CYTH3: variants seen among roughly 807,000 people sequenced by gnomAD.
The protein encoded by CYTH3 is cytohesin 3.
A neutral mutation model predicts 55.1 loss-of-function variants in CYTH3; 23 were observed. That is an observed-to-expected ratio of 0.42 (90% CI 0.30 to 0.59). The LOEUF (loss-of-function observed/expected upper bound fraction) is 0.59, where lower values mean the gene tolerates loss of function less well. Among genes scored for constraint, CYTH3 ranks in the 20% least tolerant of loss-of-function variants. The pLI, the probability that CYTH3 is intolerant of heterozygous loss-of-function variation, is 0.20. For missense variants in CYTH3, 413 were observed against 524.8 expected, an observed-to-expected ratio of 0.79 and a Z score of 2.08; for synonymous variants, 249 against 194.9, an observed-to-expected ratio of 1.28 and a Z score of -2.31.
At chr7:6,209,486 G>A (rs777116893) in intron 1 of CYTH3, among the ~76,000 whole-genome samples, 1 of 152,138 alleles carries the variant, frequency 6.6e-6, no homozygotes, top group African/African-American at 2.4e-5. Flanking sequence ...TGTCGTTGGC[G>A]GTGCGGGGGA....
At chr7:6,266,024 T>C (rs547902730) in intron 1 of CYTH3, among the ~76,000 whole-genome samples, 1 of 152,050 alleles carries the variant, frequency 6.6e-6, no homozygotes, top group Non-Finnish European at 1.5e-5. Context: ...GTTTCATTAT[T>C]CTTTGTACTT....
At chr7:6,246,565 A>G (rs943630201) in intron 1 of CYTH3, among the ~76,000 whole-genome samples, 4 of 151,506 alleles carry the variant, frequency 2.6e-5, no homozygotes, top group Non-Finnish European at 5.9e-5. Flanking sequence ...ATTATCTTTA[A>G]TTTTTTTTTA....
At chr7:6,272,418 G>A (rs1306715203) in intron 1 of CYTH3, 56 bp downstream of exon 1, 27 of 1,182,648 alleles carry the variant, frequency 2.3e-5, no homozygotes, top group Middle Eastern at 3.4e-4. Flanking sequence ...TCGACCCCCA[G>A]CCCCCGGCCC....
At chr7:6,185,817 T>C (rs1237719828) in intron 4 of CYTH3, among the ~76,000 whole-genome samples, 3 of 152,102 alleles carry the variant, frequency 2.0e-5, no homozygotes, top group African/African-American at 7.3e-5. Context: ...CAACTGCACC[T>C]GCACTTATGT....
In CYTH3 at chr7:6,170,551, G is replaced by A. The variant is rs751410135; in HGVS notation, c.807C>T (p.Gly269=). ...THTFFNPDRE[G]WLLKLGGRVK... ...GCGGCTCACCCAGCTTCAGGAGCCA[G>A]CCCTCGCGGTCGGGGTTGAAGAAGG... is the stretch of plus-strand genomic sequence containing the variant. The change falls in exon 9 of 13, where the codon GGC becomes GGT. Residue 269 remains glycine (G), a synonymous_variant. Transcript: ENST00000350796. The surrounding 1 kb of genome is among the most constrained non-coding windows in gnomAD (Gnocchi z 7.8). 42 of 1,613,892 alleles carry A rather than the reference G, an allele frequency of 2.6e-5. No individual in the cohort carries two copies.
At chr7:6,257,126 C>G (rs548579967) in intron 1 of CYTH3, among the ~76,000 whole-genome samples, 6 of 152,138 alleles carry the variant, frequency 3.9e-5, no homozygotes, top group African/African-American at 1.4e-4. Flanking sequence ...TTACATAAGG[C>G]AATGAAAGGC....
intron 1 of CYTH3, among the ~76,000 whole-genome samples, chr7:6,271,466 G>A (rs1780651984): frequency 6.6e-6 from 1 of 151,076 alleles, no homozygotes; most frequent in African/African-American, 2.4e-5. Context: ...TTCTCTGTCA[G>A]CTCAAAGGAG....
chr7:6,259,827 T>TA (rs1780301213), intron 1 of CYTH3, among the ~76,000 whole-genome samples: 5 of 23,846 alleles, frequency 2.1e-4, no homozygotes, highest in African/African-American at 1.4e-3. Context: ...TATATATATA[T>TA]ATATATTTTT....
In CYTH3 at chr7:6,202,188, A is replaced by G. The variant is rs541498216; in HGVS notation, c.35-11657T>C. 2.6e-5 allele frequency among the ~76,000 whole-genome samples: 4 copies of G among 152,340 alleles called. No individual in the cohort carries two copies. The East Asian group carries it at 7.7e-4, about 29-fold the overall frequency. On this transcript the variant is annotated intron_variant, in intron 1 of 12. Coordinates refer to ENST00000350796, the MANE Select transcript of CYTH3 (RefSeq NM_004227.4). ...GGTCTTGTCCCTCCCCTGTCCTGGAACCTGAGACCACCATGCCCTGGGCCA... is the reference window on the plus strand; with the variant it reads ...GGTCTTGTCCCTCCCCTGTCCTGGAGCCTGAGACCACCATGCCCTGGGCCA...
chr7:6,225,571 G>T (rs1223383228), intron 1 of CYTH3, among the ~76,000 whole-genome samples: 1 of 151,948 alleles, frequency 6.6e-6, no homozygotes, highest in Non-Finnish European at 1.5e-5. Flanking sequence ...GGTCAGGCTG[G>T]TCTCGAACAC....
intron 6 of CYTH3, among the ~76,000 whole-genome samples, chr7:6,172,361 C>G (rs923884915): frequency 2.0e-5 from 3 of 151,776 alleles, no homozygotes; most frequent in African/African-American, 2.4e-5. Flanking sequence ...CAGCAGCCTT[C>G]AGACTCAACA....
At chr7:6,238,116 T>C (rs1583187193) in intron 1 of CYTH3, among the ~76,000 whole-genome samples, 2 of 152,254 alleles carry the variant, frequency 1.3e-5, no homozygotes, top group Admixed American at 6.5e-5. Context: ...GAGGTTATTA[T>C]TGAAATCCAG....
chr7:6,255,957 G>A (rs1298195947), intron 1 of CYTH3, among the ~76,000 whole-genome samples: 1 of 151,914 alleles, frequency 6.6e-6, no homozygotes, highest in African/African-American at 2.4e-5. Flanking sequence ...TAGAGACAGG[G>A]TTTCACTGTG....
chr7:6,219,724 A>G (rs1183643336), intron 1 of CYTH3, among the ~76,000 whole-genome samples: 1 of 152,220 alleles, frequency 6.6e-6, no homozygotes, highest in African/African-American at 2.4e-5. Context: ...AGGATGTTCA[A>G]AAAGTAGAAA....
chr7:6,193,598 G>T (rs1053159253), intron 1 of CYTH3, among the ~76,000 whole-genome samples: 12 of 152,164 alleles, frequency 7.9e-5, no homozygotes, highest in Non-Finnish European at 1.3e-4. Flanking sequence ...CCTAATTTAC[G>T]TGAGAGAATC....
intron 3 of CYTH3, 91 bp downstream of exon 3, chr7:6,187,566 C>G (rs1244173230): frequency 1.1e-4 from 128 of 1,149,410 alleles, no homozygotes; most frequent in Non-Finnish European, 5.3e-6. Context: ...ACATCCCAAC[C>G]ACTCTCACCC....
At chr7:6,187,743 G>C (rs750611429) in intron 2 of CYTH3, 22 bp from the exon 3 acceptor site, 7 of 1,609,828 alleles carry the variant, frequency 4.3e-6, no homozygotes, top group Non-Finnish European at 4.3e-6. Context: ...GAAGAATTTC[G>C]AGGTGGGGAG....
chr7:6,170,746 G>A lies in CYTH3; in HGVS notation c.711+84C>T, dbSNP rs1034113084. On this transcript the variant is annotated intron_variant, in intron 8 of 12. Transcript: ENST00000350796. This position sits in a 1 kb window ranked among gnomAD's most constrained non-coding sequence, Gnocchi z 7.8. ...ACCAGGGCGGCAAGGAGGCTTGGGA[G>A]GCGTGTCTAGAGCCGCGGGCGCTGC... is the stretch of plus-strand genomic sequence containing the variant. 10 of 1,567,340 alleles carry A rather than the reference G, an allele frequency of 6.4e-6. No individual in the cohort carries two copies. Among genetic ancestry groups the A allele is most frequent in the African/African-American group, 1.4e-5 (1 of 73,842 alleles).
chr7:6,199,220 C>A (rs1462546201), intron 1 of CYTH3, among the ~76,000 whole-genome samples: 1 of 152,222 alleles, frequency 6.6e-6, no homozygotes, highest in African/African-American at 2.4e-5. Context: ...TGCAAAATCA[C>A]AGAGACTCAC....
Sources: allele counts gnomAD v4.1 joint callset (sites outside exome capture counted in the v4.1 genomes callset), GRCh38; gene constraint gnomAD v4.1.1; non-coding constraint Gnocchi (gnomAD v3.1); transcripts MANE v1.5; gene names NCBI Gene and HGNC (gene_info 2026-07-23, HGNC 2026-07-21).